DST: variants seen among roughly 807,000 people sequenced by gnomAD.
The protein encoded by DST is bullous pemphigoid antigen.
Under a neutral mutation model 875.2 loss-of-function variants are expected in DST, and 253 were observed. The ratio of observed to expected loss-of-function variants is 0.29; its 90% CI spans 0.26 to 0.32. The LOEUF (loss-of-function observed/expected upper bound fraction) is 0.32. Ranked by LOEUF, DST falls within the 10% of genes least tolerant of loss-of-function variation. The pLI, the probability that DST is intolerant of heterozygous loss-of-function variation, is 1.00. For synonymous variants in DST, 3,124 were observed against 3,197.1 expected (o/e 0.98, Z 0.77); for missense variants, 8,287 against 9,111.6 (o/e 0.91, Z 3.68).
intron 3 of DST, among the ~76,000 whole-genome samples, chr6:56,870,712 G>A (rs544123256): frequency 2.6e-5 from 4 of 151,956 alleles, no homozygotes; most frequent in African/African-American, 7.2e-5. Context: ...GCAGTGAGCC[G>A]AGATCATGCC....
intron 4 of DST, among the ~76,000 whole-genome samples, chr6:56,811,049 T>G: frequency 6.6e-6 from 1 of 151,504 alleles, no homozygotes; most frequent in African/African-American, 2.4e-5. Flanking sequence ...CCAGGCATGG[T>G]GGCATGCACC....
chr6:56,574,782 T>C (rs1436018417), intron 50 of DST, among the ~76,000 whole-genome samples: 1 of 152,202 alleles, frequency 6.6e-6, no homozygotes, highest in Non-Finnish European at 1.5e-5. Context: ...CTCTGGAAAA[T>C]GATGTTTTAA....
chr6:56,528,803 G>A (rs767202500), intron 67 of DST, 38 bp downstream of exon 67: 2 of 1,325,468 alleles, frequency 1.5e-6, no homozygotes, highest in Non-Finnish European at 1.1e-6. Flanking sequence ...AATATAAAAT[G>A]CTGACCACAT....
At chr6:56,575,322 T>G (rs903317057) in intron 50 of DST, among the ~76,000 whole-genome samples, 2 of 152,090 alleles carry the variant, frequency 1.3e-5, no homozygotes, top group Non-Finnish European at 2.9e-5. Context: ...CAATATACCT[T>G]TCTAACAAAC....
intron 61 of DST, among the ~76,000 whole-genome samples, chr6:56,537,955 C>T (rs1168796103): frequency 1.3e-5 from 2 of 152,112 alleles, no homozygotes; most frequent in Non-Finnish European, 2.9e-5. Flanking sequence ...AACCCCTTAA[C>T]AGATAATACT....
chr6:56,573,797 A>T lies in DST; in HGVS notation c.13118T>A (p.Val4373Glu). The T allele has an allele frequency of 6.2e-7, 1 of 1,613,638 alleles. No homozygotes were observed. The highest frequency in any genetic ancestry group is 1.3e-5 in the African/African-American group (1 of 75,034). Residue 4373 changes from valine (V) to glutamate (E), a missense_variant, in exon 51 of 104, where the codon GTG becomes GAG. Val to Glu is a moderately radical substitution (Grantham distance 121). This residue lies in a region of DST where 1,513 missense variants were observed against 1,677.8 expected (regional missense o/e 0.90). Coordinates refer to ENST00000680361, the MANE Select transcript of DST (RefSeq NM_001374736.1). ...CAGCATTTCATCCAAGCCATCCTGC[A>T]CACTCAGTGAACGGGTCAAGGTTAT... Reference protein sequence around the residue: ...LQITLTRSLSVQDGLDEMLDW... With the variant: ...LQITLTRSLSEQDGLDEMLDW...
chr6:56,494,789 A>G (rs532753237), intron 82 of DST, among the ~76,000 whole-genome samples: 5 of 152,260 alleles, frequency 3.3e-5, no homozygotes, highest in African/African-American at 1.2e-4. Flanking sequence ...TATACAGGAC[A>G]TAAAATATTG....
intron 4 of DST, among the ~76,000 whole-genome samples, chr6:56,736,008 G>A (rs545391494): frequency 1.3e-4 from 20 of 151,952 alleles, no homozygotes; most frequent in Middle Eastern, 3.4e-3. Context: ...ACAGGTATGC[G>A]CCACCATACC....
Position 56,603,877 on chromosome 6 carries a change from C to T in DST, c.10751G>A (p.Gly3584Glu). 6.2e-7 allele frequency: 1 copy of T among 1,611,432 alleles called. No homozygotes were observed. Among genetic ancestry groups the T allele is most frequent in the Non-Finnish European group, 8.5e-7 (1 of 1,178,700 alleles). ...ATCTCCAGAAGCCATCTCTTTAGAC[C>T]CTGAAGTACATTCCAAATGGCTTGG... ...DFPSHLECTS[G>E]SKEMASGDSS... The change falls in exon 40 of 104, where the codon GGG becomes GAG. Residue 3584 changes from glycine to glutamate, a missense_variant. Physicochemically the swap from Gly to Glu is moderately conservative, Grantham distance 98 (BLOSUM62 -2). Coordinates refer to ENST00000680361, the MANE Select transcript of DST (RefSeq NM_001374736.1).
intron 9 of DST, among the ~76,000 whole-genome samples, chr6:56,676,750 A>G (rs1346212862): frequency 6.6e-6 from 1 of 151,904 alleles, no homozygotes; most frequent in Non-Finnish European, 1.5e-5. Context: ...ATGAAACTGG[A>G]GGGAATGTTA....
intron 5 of DST, among the ~76,000 whole-genome samples, chr6:56,725,192 C>T (rs182162893): frequency 6.6e-6 from 1 of 152,322 alleles, no homozygotes; most frequent in African/African-American, 2.4e-5. Flanking sequence ...CCACACTGTG[C>T]CACCTACCCT....
At chr6:56,581,500 C>T (rs1356871498) in intron 49 of DST, among the ~76,000 whole-genome samples, 1 of 152,046 alleles carries the variant, frequency 6.6e-6, no homozygotes, top group Non-Finnish European at 1.5e-5. Context: ...AGTAGCAGTC[C>T]CCGCGTATCT....
At chr6:56,790,192 C>CA (rs113438614) in intron 4 of DST, among the ~76,000 whole-genome samples, 38 of 147,392 alleles carry the variant, frequency 2.6e-4, no homozygotes, top group Admixed American at 1.3e-3. Context: ...TGCCAGAAAG[C>CA]AAAAAAAAAA....
At chr6:56,474,793 T>A (rs1215384910) in intron 92 of DST, among the ~76,000 whole-genome samples, 1 of 151,586 alleles carries the variant, frequency 6.6e-6, no homozygotes, top group East Asian at 1.9e-4. Context: ...TGAAACCCTG[T>A]CTCTACAAAA....
chr6:56,640,916 G>A (rs1001129416), intron 17 of DST, among the ~76,000 whole-genome samples: 7 of 152,026 alleles, frequency 4.6e-5, no homozygotes, highest in African/African-American at 9.7e-5. Flanking sequence ...TTTTTTCAAT[G>A]AGCATTGTAC....
intron 55 of DST, among the ~76,000 whole-genome samples, chr6:56,562,831 A>G (rs933364826): frequency 3.8e-4 from 57 of 151,968 alleles, no homozygotes; most frequent in African/African-American, 1.3e-3. Context: ...GAGTGAGAAC[A>G]TGCGGTGTTT....
chr6:56,500,693 G>A (rs2096089885), intron 80 of DST, among the ~76,000 whole-genome samples: 1 of 152,116 alleles, frequency 6.6e-6, no homozygotes, highest in African/African-American at 2.4e-5. Flanking sequence ...AAAACCTGCA[G>A]TAGGACATTT....
At position 56,563,469 on chromosome 6, in the gene DST, A is replaced by G. The variant is rs886945705; in HGVS notation, c.14006-1269T>C. 2.0e-5 allele frequency among the ~76,000 whole-genome samples: 3 copies of G among 152,068 alleles called. No homozygotes were observed. In the South Asian group the frequency reaches 6.2e-4, roughly 32 times the overall value. ...TTGTAAATTTGTATAAGTTCCTTGT[A>G]GATTCTGGTATCAGCCATTTGTCAG... is the stretch of plus-strand genomic sequence containing the variant. On this transcript the variant is annotated intron_variant, in intron 55 of 103. Coordinates refer to ENST00000680361, the MANE Select transcript of DST (RefSeq NM_001374736.1).
intron 3 of DST, among the ~76,000 whole-genome samples, chr6:56,890,065 T>C (rs1306768205): frequency 6.6e-6 from 1 of 151,854 alleles, no homozygotes; most frequent in Non-Finnish European, 1.5e-5. Context: ...GATAAATGTC[T>C]AGCACTAGAA....
Sources: allele counts gnomAD v4.1 joint callset (sites outside exome capture counted in the v4.1 genomes callset), GRCh38; gene constraint gnomAD v4.1.1; regional missense constraint gnomAD v4.1.1; transcripts MANE v1.5; gene names NCBI Gene and HGNC (gene_info 2026-07-23, HGNC 2026-07-21).